The following UBE2E2 variants were observed in gnomAD, a reference collection of about 807,000 sequenced individuals.
UBE2E2 encodes ubiquitin-conjugating enzyme E2 E2.
In UBE2E2, 6 loss-of-function variants were observed where a neutral mutation model predicts 24.7. The observed-to-expected ratio is 0.24, with a 90% confidence interval of 0.13 to 0.48. The LOEUF is 0.48. Ranked by LOEUF, UBE2E2 falls within the 20% of genes least tolerant of loss-of-function variation. The pLI, the probability that UBE2E2 is intolerant of heterozygous loss-of-function variation, is 0.99. For synonymous variants in UBE2E2, 104 were observed against 83.6 expected (o/e 1.24, Z -1.33); for missense variants, 169 against 245.0 (o/e 0.69, Z 2.07).
At chr3:23,377,568 G>C (rs1167693050) in intron 3 of UBE2E2, among the ~76,000 whole-genome samples, 1 of 152,182 alleles carries the variant, frequency 6.6e-6, no homozygotes, top group Non-Finnish European at 1.5e-5. Context: ...TGAGATCATG[G>C]CCATTATACC....
intron 3 of UBE2E2, among the ~76,000 whole-genome samples, chr3:23,291,709 G>T: frequency 7.7e-6 from 1 of 130,354 alleles, no homozygotes; most frequent in African/African-American, 2.9e-5. Context: ...TTTTTTGACA[G>T]GGTCACTCTG....
chr3:23,356,469 A>G (rs1330338577), intron 3 of UBE2E2, among the ~76,000 whole-genome samples: 1 of 152,196 alleles, frequency 6.6e-6, no homozygotes, highest in Non-Finnish European at 1.5e-5. Context: ...GTGGTGGTAC[A>G]TTCTGACACT....
chr3:23,421,800 G>GC (rs1310162242), intron 3 of UBE2E2, among the ~76,000 whole-genome samples: 3 of 152,254 alleles, frequency 2.0e-5, no homozygotes, highest in Non-Finnish European at 4.4e-5. Flanking sequence ...TGTACACATG[G>GC]CCAGAGGGCA....
intron 3 of UBE2E2, among the ~76,000 whole-genome samples, chr3:23,332,244 T>C (rs1438063534): frequency 6.6e-6 from 1 of 152,050 alleles, no homozygotes; most frequent in African/African-American, 2.4e-5. Context: ...CTCCTGGGCA[T>C]CGATCCTCCT....
chr3:23,508,451 T>C (rs1694506080), intron 4 of UBE2E2, among the ~76,000 whole-genome samples: 1 of 152,250 alleles, frequency 6.6e-6, no homozygotes, highest in South Asian at 2.1e-4. Flanking sequence ...CGTTTGTTCC[T>C]AGCTTTCTAT....
rs192347490 is a variant in UBE2E2 at position 23,357,308 on chromosome 3, T to A, written c.227+139996T>A. Reference sequence around the variant, plus strand: ...TGTTTGTTACCGTAAGTGCTTTTTTTAATCTACCCATTGTCTAATAACCTT... The same window carrying A: ...TGTTTGTTACCGTAAGTGCTTTTTTAAATCTACCCATTGTCTAATAACCTT... On this transcript the variant is annotated intron_variant, in intron 3 of 5. Transcript: ENST00000396703. Among the ~76,000 whole-genome samples, 352 of 152,292 alleles carry A rather than the reference T, an allele frequency of 2.3e-3. 3 individuals are homozygous for A. The highest frequency in any genetic ancestry group is 8.0e-3 in the African/African-American group (331 of 41,574).
chr3:23,218,585 T>C (rs1696544067), intron 3 of UBE2E2, among the ~76,000 whole-genome samples: 1 of 152,004 alleles, frequency 6.6e-6, no homozygotes, highest in African/African-American at 2.4e-5. Flanking sequence ...ATATATTACA[T>C]ATATTATTTT....
At chr3:23,291,147 C>T (rs1170259748) in intron 3 of UBE2E2, among the ~76,000 whole-genome samples, 1 of 150,220 alleles carries the variant, frequency 6.7e-6, no homozygotes, top group East Asian at 2.0e-4. Context: ...GATGCAGATT[C>T]TCCTTGGGGT....
At chr3:23,373,565 A>G (rs556292382) in intron 3 of UBE2E2, among the ~76,000 whole-genome samples, 34 of 152,338 alleles carry the variant, frequency 2.2e-4, no homozygotes, top group African/African-American at 7.7e-4. Context: ...TTCACTATGT[A>G]TAGCAGGGAG....
chr3:23,504,509 G>A (rs188796872), intron 4 of UBE2E2, among the ~76,000 whole-genome samples: 4 of 152,124 alleles, frequency 2.6e-5, no homozygotes, highest in African/African-American at 9.7e-5. Flanking sequence ...GGTAACGATT[G>A]ACAAATCGTG....
At chr3:23,209,020 A>G in intron 2 of UBE2E2, 145 bp downstream of exon 2, 4 of 935,012 alleles carry the variant, frequency 4.3e-6, no homozygotes, top group Non-Finnish European at 6.3e-6. Flanking sequence ...GATCTCGTTT[A>G]CATGGTTTTA....
intron 3 of UBE2E2, among the ~76,000 whole-genome samples, chr3:23,398,171 G>A (rs553487668): frequency 6.6e-6 from 1 of 152,084 alleles, no homozygotes; most frequent in African/African-American, 2.4e-5. Context: ...AATTTAGCCA[G>A]GTTTGGTGGT....
chr3:23,522,233 C>G (rs1259685519), intron 4 of UBE2E2, among the ~76,000 whole-genome samples: 1 of 149,834 alleles, frequency 6.7e-6, no homozygotes. Context: ...CGGGTTCGCG[C>G]CGTTCTCCTG....
intron 3 of UBE2E2, among the ~76,000 whole-genome samples, chr3:23,484,866 C>G (rs879199407): frequency 1.3e-5 from 2 of 152,096 alleles, no homozygotes; most frequent in South Asian, 4.2e-4. Flanking sequence ...GAAAGACCCA[C>G]CCCCATGATT....
intron 3 of UBE2E2, among the ~76,000 whole-genome samples, chr3:23,419,660 G>A (rs888342042): frequency 6.6e-6 from 1 of 152,260 alleles, no homozygotes; most frequent in South Asian, 2.1e-4. Context: ...AAACTAGATT[G>A]TGAGCTCCCT....
At chr3:23,420,781 A>T (rs1209412403) in intron 3 of UBE2E2, among the ~76,000 whole-genome samples, 1 of 152,176 alleles carries the variant, frequency 6.6e-6, no homozygotes, top group Non-Finnish European at 1.5e-5. Flanking sequence ...GGAAGCCTTT[A>T]CCTAATAGTT....
At position 23,280,127 on chromosome 3, in the gene UBE2E2, A is replaced by G. The variant is rs1484630144; in HGVS notation, c.227+62815A>G. Reference sequence around the variant, plus strand: ...ATTACTGATATCACATTCTTTTTTGAGGAAGCTTTTATAGAGAAGAAACAC... The same window carrying G: ...ATTACTGATATCACATTCTTTTTTGGGGAAGCTTTTATAGAGAAGAAACAC... On this transcript the variant is annotated intron_variant, in intron 3 of 5. Coordinates refer to ENST00000396703, the MANE Select transcript of UBE2E2 (RefSeq NM_152653.4). This position sits in a 1 kb window ranked among gnomAD's most constrained non-coding sequence, Gnocchi z 4.3. Among the ~76,000 whole-genome samples, 1 of 152,212 alleles carries G rather than the reference A, an allele frequency of 6.6e-6. No homozygotes were observed. The highest frequency in any genetic ancestry group is 1.5e-5 in the Non-Finnish European group (1 of 68,032).
chr3:23,313,216 C>T (rs1694460144), intron 3 of UBE2E2, among the ~76,000 whole-genome samples: 1 of 151,824 alleles, frequency 6.6e-6, no homozygotes, highest in South Asian at 2.1e-4. Context: ...ATATAGTGAC[C>T]TTCGTTTCTT....
In UBE2E2 at chr3:23,295,618, T is replaced by A. The variant is rs769489574; in HGVS notation, c.227+78306T>A. On this transcript the variant is annotated intron_variant, in intron 3 of 5. Transcript: ENST00000396703. ...GATTTTTATGTGAAATATCTCAGAT[T>A]TCGAATATCGGTGGCTAGTGGAAGT... is the stretch of plus-strand genomic sequence containing the variant. Among the ~76,000 whole-genome samples the A allele has an allele frequency of 2.3e-4, 35 of 152,268 alleles. 1 individual carries two copies. The highest frequency in any genetic ancestry group is 3.4e-3 in the Middle Eastern group (1 of 294).
Sources: gnomAD v4.1 joint callset for allele counts (sites outside exome capture counted in the v4.1 genomes callset) on GRCh38, gnomAD v4.1.1 for gene constraint, Gnocchi (gnomAD v3.1) non-coding constraint, MANE v1.5 for transcripts, NCBI Gene and HGNC (gene_info 2026-07-23, HGNC 2026-07-21) for gene names.